ABTB2: variants seen among roughly 807,000 people sequenced by gnomAD.
The protein encoded by ABTB2 is ankyrin repeat and BTB domain containing 2.
A neutral mutation model predicts 104.1 loss-of-function variants in ABTB2; 56 were observed. The ratio of observed to expected loss-of-function variants is 0.54; its 90% CI spans 0.43 to 0.67. ABTB2 has a LOEUF of 0.67. ABTB2 is among the 30% of genes least tolerant of loss of function. ABTB2 has a pLI of 0.00. For synonymous variants in ABTB2, 606 were observed against 608.2 expected, an observed-to-expected ratio of 1.00 and a Z score of 0.05; for missense variants, 1,279 against 1,407.7, an observed-to-expected ratio of 0.91 and a Z score of 1.46.
In ABTB2 at chr11:34,245,972, C is replaced by T. The variant is rs548550014; in HGVS notation, c.884-41282G>A. Among the ~76,000 whole-genome samples the T allele has an allele frequency of 2.0e-5, 3 of 152,338 alleles. No homozygotes were observed. The South Asian group carries it at 6.2e-4, about 32-fold the overall frequency. ...CCCAGCAGGGGAGAGAGGCCCTCCT[C>T]ATCCTGGGGCCACAAATATCTGTCA... On this transcript the variant is annotated intron_variant, in intron 1 of 16. Transcript: ENST00000435224.
Position 34,154,281 on chromosome 11 carries a change from G to A in ABTB2, c.2864C>T (p.Thr955Ile), listed in dbSNP as rs759253979. ...QTLSMESAVN[T>I]YKYAKIHNAP... ...GGCCCTCACCTTGGCATATTTGTAG[G>A]TGTTCACGGCACTCTCCATGCTGAG... The change falls in exon 16 of 17, where the codon ACC (threonine) becomes ATC (isoleucine). Residue 955 changes from threonine to isoleucine, a missense_variant. Thr to Ile is a moderately conservative substitution (Grantham distance 89). Coordinates refer to ENST00000435224, the MANE Select transcript of ABTB2 (RefSeq NM_145804.3). The surrounding 1 kb of genome is among the most constrained non-coding windows in gnomAD (Gnocchi z 4.9). The A allele has an allele frequency of 3.7e-6, 6 of 1,613,868 alleles. No individual in the cohort carries two copies. The highest frequency in any genetic ancestry group is 5.1e-6 in the Non-Finnish European group (6 of 1,179,838).
chr11:34,271,821 C>A (rs1185285004), intron 1 of ABTB2, among the ~76,000 whole-genome samples: 3 of 152,150 alleles, frequency 2.0e-5, no homozygotes, highest in African/African-American at 7.2e-5. Flanking sequence ...TGTTCCCCAA[C>A]TATATGCTCC....
rs192876273 is a variant in ABTB2 at position 34,225,383 on chromosome 11, T to C, written c.884-20693A>G. Among the ~76,000 whole-genome samples, 13 of 152,262 alleles carry C rather than the reference T, an allele frequency of 8.5e-5. No homozygotes were observed. In the East Asian group the frequency reaches 2.3e-3, roughly 27 times the overall value. ...GGCTGAAGTCGCCAGCTGTAAACAATAGCTCAGACTCCACACAGGGCTTGT... is the reference window on the plus strand; with the variant it reads ...GGCTGAAGTCGCCAGCTGTAAACAACAGCTCAGACTCCACACAGGGCTTGT... On this transcript the variant is annotated intron_variant, in intron 1 of 16. Transcript: ENST00000435224.
In ABTB2 at chr11:34,154,830, A is replaced by G. The variant is rs2473927; in HGVS notation, c.2698-61T>C. 4.4e-3 allele frequency: 6,905 copies of G among 1,571,024 alleles called. 235 individuals carry two copies. In the African/African-American group the frequency reaches 0.08, roughly 18 times the overall value. ...AACCTGAGGCATGAAAGTCCTTGCC[A>G]GCCCCACAGGGTACTGCTCCAGCTG... is the stretch of plus-strand genomic sequence containing the variant. On this transcript the variant is annotated intron_variant, in intron 14 of 16. Transcript: ENST00000435224. The surrounding 1 kb of genome is among the most constrained non-coding windows in gnomAD (Gnocchi z 4.9).
At chr11:34,205,060 C>T (rs1487747424) in intron 1 of ABTB2, among the ~76,000 whole-genome samples, 1 of 152,188 alleles carries the variant, frequency 6.6e-6, no homozygotes, top group Non-Finnish European at 1.5e-5. Context: ...CATTCATTCA[C>T]TCGCTCGTTG....
rs1415750062 is a variant in ABTB2 at position 34,252,095 on chromosome 11, A to C, written c.884-47405T>G. Among the ~76,000 whole-genome samples the C allele has an allele frequency of 1.3e-5, 2 of 152,150 alleles. No individual in the cohort carries two copies. The highest frequency in any genetic ancestry group is 2.9e-5 in the Non-Finnish European group (2 of 68,026). The stretch of plus-strand genomic sequence containing the variant: ...GAGTTTCATGAAAGCTGCAAAACTC[A>C]CAGCAAGGCCCGGATGGTGGTTCGG... On this transcript the variant is annotated intron_variant, in intron 1 of 16. Transcript: ENST00000435224. This position sits in a 1 kb window ranked among gnomAD's most constrained non-coding sequence, Gnocchi z 5.5.
chr11:34,271,489 A>G (rs889554244), intron 1 of ABTB2, among the ~76,000 whole-genome samples: 20 of 152,180 alleles, frequency 1.3e-4, no homozygotes, highest in African/African-American at 4.8e-4. Context: ...CTGTAATCCC[A>G]GCACTTTGGA....
chr11:34,209,442 A>C (rs1267717428), intron 1 of ABTB2, among the ~76,000 whole-genome samples: 1 of 145,730 alleles, frequency 6.9e-6, no homozygotes, highest in African/African-American at 2.6e-5. Context: ...GTAAACTGGA[A>C]AATTTCCCAG....
intron 1 of ABTB2, among the ~76,000 whole-genome samples, chr11:34,228,412 C>G (rs1349009951): frequency 2.6e-5 from 4 of 151,072 alleles, no homozygotes; most frequent in Non-Finnish European, 5.9e-5. Context: ...GTTGCCCAGG[C>G]TGGAGTGCAG....
intron 1 of ABTB2, among the ~76,000 whole-genome samples, chr11:34,324,910 C>T (rs762647657): frequency 6.6e-6 from 1 of 152,242 alleles, no homozygotes; most frequent in Non-Finnish European, 1.5e-5. Flanking sequence ...CCTCCCTCCA[C>T]CTCAGAGTCC....
chr11:34,180,794 G>T (rs1853016545), intron 3 of ABTB2, among the ~76,000 whole-genome samples: 1 of 152,210 alleles, frequency 6.6e-6, no homozygotes, highest in Non-Finnish European at 1.5e-5. Flanking sequence ...ATACAGGTGA[G>T]CCTGATTGTT....
At chr11:34,176,335 T>C (rs1462909499) in intron 3 of ABTB2, among the ~76,000 whole-genome samples, 1 of 149,064 alleles carries the variant, frequency 6.7e-6, no homozygotes, top group Non-Finnish European at 1.5e-5. Flanking sequence ...CTGAGATCAC[T>C]GAAAACTTTC....
chr11:34,330,038 GC>G (rs931731171), intron 1 of ABTB2, among the ~76,000 whole-genome samples: 4 of 152,214 alleles, frequency 2.6e-5, no homozygotes, highest in Non-Finnish European at 4.4e-5. Flanking sequence ...GCTGGGAAGT[GC>G]CAGGGACTTC....
intron 1 of ABTB2, among the ~76,000 whole-genome samples, chr11:34,218,750 G>A (rs1343862829): frequency 6.7e-6 from 1 of 149,338 alleles, no homozygotes; most frequent in East Asian, 2.0e-4. Context: ...TCGAGAGGAG[G>A]CAAGAGAATC....
intron 1 of ABTB2, among the ~76,000 whole-genome samples, chr11:34,221,955 G>C (rs1030857960): frequency 6.6e-6 from 1 of 152,196 alleles, no homozygotes; most frequent in Non-Finnish European, 1.5e-5. Context: ...TGAGGCAGGA[G>C]AATAGCTTGA....
chr11:34,330,578 C>G (rs1564933965), intron 1 of ABTB2, among the ~76,000 whole-genome samples: 1 of 152,236 alleles, frequency 6.6e-6, no homozygotes, highest in Non-Finnish European at 1.5e-5. Flanking sequence ...GTCATCACCT[C>G]TCATTCCTAA....
intron 1 of ABTB2, among the ~76,000 whole-genome samples, chr11:34,226,518 C>T (rs1038790224): frequency 3.9e-5 from 6 of 152,166 alleles, no homozygotes; most frequent in Non-Finnish European, 5.9e-5. Flanking sequence ...ACATAAAACA[C>T]GGACAATAAC....
rs1422523841 is a variant in ABTB2 at position 34,206,518 on chromosome 11, T to G, written c.884-1828A>C. On this transcript the variant is annotated intron_variant, in intron 1 of 16. Transcript: ENST00000435224. ...GAAGAGCTAGGATTCAAATCTGGGA[T>G]GGACTGGTTCCACAATGCATATACT... Among the ~76,000 whole-genome samples, 3 of 152,252 alleles carry G rather than the reference T, an allele frequency of 2.0e-5. No homozygotes were observed. In the East Asian group the frequency reaches 5.8e-4, roughly 29 times the overall value.
intron 14 of ABTB2, 23 bp downstream of exon 14, chr11:34,159,273 G>C (rs752434348): frequency 2.5e-6 from 4 of 1,594,352 alleles, no homozygotes; most frequent in African/African-American, 1.3e-5. Flanking sequence ...TCTGAGAAGA[G>C]GGCGGCACCA....
Sources: allele counts gnomAD v4.1 joint callset (sites outside exome capture counted in the v4.1 genomes callset), GRCh38; gene constraint gnomAD v4.1.1; non-coding constraint Gnocchi (gnomAD v3.1); transcripts MANE v1.5; gene names NCBI Gene and HGNC (gene_info 2026-07-23, HGNC 2026-07-21).